The following PUDP variants were observed in gnomAD, a reference collection of about 807,000 sequenced individuals.
The protein encoded by PUDP is pseudouridine-5'-phosphatase.
A neutral mutation model predicts 9.4 loss-of-function variants in PUDP; 8 were observed. The observed-to-expected ratio is 0.85, with a 90% CI of 0.50 to 1.53. The LOEUF (loss-of-function observed/expected upper bound fraction) is 1.53. Ranked by LOEUF, PUDP falls within the 40% of genes most tolerant of loss-of-function variation. PUDP has a pLI of 0.00. For synonymous variants in PUDP, 99 were observed against 80.7 expected, an observed-to-expected ratio of 1.23 and a Z score of -1.22; for missense variants, 188 against 189.7, an observed-to-expected ratio of 0.99 and a Z score of 0.05.
chrX:7,141,690 T>A (rs1932796661), intron 1 of PUDP, among the ~76,000 whole-genome samples: 1 of 111,744 alleles, frequency 8.9e-6, no homozygotes, highest in Non-Finnish European at 1.9e-5. Context: ...TGGAAGAAAA[T>A]GCCACCCATG....
At chrX:7,126,906 T>C (rs978483267) in intron 1 of PUDP, among the ~76,000 whole-genome samples, 1 of 111,418 alleles carries the variant, frequency 9.0e-6, no homozygotes, top group Non-Finnish European at 1.9e-5. Context: ...ATGAAGAAGA[T>C]CACTAAGAAA....
At chrX:7,080,495 C>T (rs1045390767) in intron 2 of PUDP, among the ~76,000 whole-genome samples, 12 of 111,766 alleles carry the variant, frequency 1.1e-4, no homozygotes, top group Middle Eastern at 4.6e-3. Context: ...CAAAACCAGA[C>T]AAAAGCCAGA....
At chrX:7,039,012 C>T (rs1363418347) in intron 1 of PUDP, among the ~76,000 whole-genome samples, 1 of 111,490 alleles carries the variant, frequency 9.0e-6, no homozygotes, top group Non-Finnish European at 1.9e-5. Flanking sequence ...TCACTGCAGC[C>T]TTGAACTCCT....
chrX:7,076,415 C>T (rs1319219296), intron 3 of PUDP, among the ~76,000 whole-genome samples: 1 of 111,842 alleles, frequency 8.9e-6, no homozygotes, highest in East Asian at 2.8e-4. Context: ...CCAGCGGGAG[C>T]CCCCCTTTCA....
At chrX:6,883,030 A>T (rs1255150635) in intron 3 of PUDP, among the ~76,000 whole-genome samples, 1 of 111,640 alleles carries the variant, frequency 9.0e-6, no homozygotes, top group East Asian at 2.8e-4. Flanking sequence ...TTCTCTGATC[A>T]CTGTGAGAAT....
At chrX:6,750,000 A>G (rs1925047663) in intron 3 of PUDP, among the ~76,000 whole-genome samples, 1 of 112,352 alleles carries the variant, frequency 8.9e-6, no homozygotes, top group Non-Finnish European at 1.9e-5. Flanking sequence ...AGTCGAGTAT[A>G]AAATAACTGA....
intron 2 of PUDP, among the ~76,000 whole-genome samples, chrX:7,100,490 C>A (rs1477633883): frequency 1.8e-5 from 2 of 112,039 alleles, no homozygotes; most frequent in African/African-American, 6.5e-5. Flanking sequence ...ACCTAACATA[C>A]CCTACCAGAA....
intron 3 of PUDP, among the ~76,000 whole-genome samples, chrX:6,752,870 T>C (rs1409492259): frequency 8.9e-6 from 1 of 111,994 alleles, no homozygotes; most frequent in Admixed American, 9.4e-5. Context: ...CTCAGGAATA[T>C]GTGATTATCC....
At chrX:7,108,613 C>T (rs1460999655) in intron 1 of PUDP, among the ~76,000 whole-genome samples, 1 of 112,672 alleles carries the variant, frequency 8.9e-6, no homozygotes, top group Non-Finnish European at 1.9e-5. Context: ...TCTTTCTCTG[C>T]TTTTCTTGGC....
chrX:7,106,099 T>C (rs113833165), intron 1 of PUDP, among the ~76,000 whole-genome samples: 9 of 112,525 alleles, frequency 8.0e-5, no homozygotes, highest in African/African-American at 2.9e-4. Context: ...ATCTGTATTA[T>C]TGTGTTTTCT....
intron 3 of PUDP, among the ~76,000 whole-genome samples, chrX:6,932,825 C>A (rs1017744904): frequency 8.9e-6 from 1 of 111,866 alleles, no homozygotes; most frequent in Admixed American, 9.4e-5. Flanking sequence ...ATATCCCACA[C>A]CTGGCTCGGA....
intron 1 of PUDP, among the ~76,000 whole-genome samples, chrX:7,143,880 C>A (rs913500751): frequency 7.2e-5 from 8 of 111,733 alleles, no homozygotes; most frequent in Non-Finnish European, 1.5e-4. Flanking sequence ...CCTCAGCCAT[C>A]TCCTTTGCAA....
At chrX:6,901,305 A>G (rs963245841) in intron 3 of PUDP, among the ~76,000 whole-genome samples, 1 of 112,055 alleles carries the variant, frequency 8.9e-6, no homozygotes, top group African/African-American at 3.2e-5. Context: ...TTCTCTTAAC[A>G]TAATTGTAAA....
chrX:6,783,369 A>G (rs1358645367), intron 3 of PUDP, among the ~76,000 whole-genome samples: 1 of 111,047 alleles, frequency 9.0e-6, no homozygotes, highest in Non-Finnish European at 1.9e-5. Flanking sequence ...TGCTCTGTCT[A>G]TGGAGTAGCT....
intron 3 of PUDP, among the ~76,000 whole-genome samples, chrX:6,802,933 TAATA>T (rs1476022239): frequency 0.013 from 43 of 3,221 alleles, 1 homozygote; most frequent in African/African-American, 0.058. Flanking sequence ...TAACATAAAA[TAATA>T]AAATAAAATA....
At chrX:6,757,933 G>A (rs983767971) in intron 3 of PUDP, among the ~76,000 whole-genome samples, 24 of 112,075 alleles carry the variant, frequency 2.1e-4, no homozygotes, top group African/African-American at 6.8e-4. Flanking sequence ...ATGCTTCAAC[G>A]TGTGATTTGT....
In PUDP at chrX:6,763,101, T is replaced by A. The variant is rs745477120; in HGVS notation, c.*248-56635A>T. ...TTTTAAAAATAAAAATACAAAATAA[T>A]ATTTCAGGGAGGCACGATGCCTCCT... On this transcript the variant is annotated intron_variant and NMD_transcript_variant, in intron 3 of 3. Transcript: ENST00000655425. Among the ~76,000 whole-genome samples the A allele has an allele frequency of 2.7e-5, 3 of 112,422 alleles. No homozygotes were observed. In the South Asian group the frequency reaches 1.1e-3, roughly 41 times the overall value.
At chrX:7,136,488 G>A (rs187110807) in intron 1 of PUDP, among the ~76,000 whole-genome samples, 8 of 112,002 alleles carry the variant, frequency 7.1e-5, no homozygotes, top group Admixed American at 9.4e-5. Context: ...ACTTACAGTC[G>A]GGATCCCAAA....
intron 3 of PUDP, among the ~76,000 whole-genome samples, chrX:6,791,749 T>C (rs1404701514): frequency 8.9e-6 from 1 of 111,930 alleles, no homozygotes; most frequent in Non-Finnish European, 1.9e-5. Context: ...GAATTCAGAC[T>C]TCCAGGACTG....
Sources: gnomAD v4.1 joint callset for allele counts (sites outside exome capture counted in the v4.1 genomes callset) on GRCh38, gnomAD v4.1.1 for gene constraint, MANE v1.5 for transcripts, NCBI Gene and HGNC (gene_info 2026-07-23, HGNC 2026-07-21) for gene names.